Variants in MYOM1 observed in about 807,000 individuals in gnomAD.
The protein encoded by MYOM1 is myomesin-1.
MYOM1 carries 164 observed loss-of-function variants against 205.3 expected under a neutral mutation model. The ratio of observed to expected loss-of-function variants is 0.80; its 90% CI spans 0.70 to 0.91. MYOM1 has a LOEUF of 0.91. Ranked by LOEUF, MYOM1 falls within the 40% of genes least tolerant of loss-of-function variation. The probability of loss-of-function intolerance (pLI) is 0.00; values close to 1 mark genes in which losing one functional copy is unlikely to be tolerated. For synonymous variants in MYOM1, 772 were observed against 789.4 expected (o/e 0.98, Z 0.37); for missense variants, 2,011 against 2,127.3 (o/e 0.95, Z 1.08).
chr18:3,177,476 ATTATTATTATTT>A (rs1449460292), intron 5 of MYOM1, among the ~76,000 whole-genome samples: 86 of 123,074 alleles, frequency 7.0e-4, no homozygotes, highest in African/African-American at 2.4e-3. Flanking sequence ...TATTATTATT[ATTATTATTATTT>A]GAGACAGAGT....
At chr18:3,157,719 T>G (rs2080322973) in intron 10 of MYOM1, among the ~76,000 whole-genome samples, 1 of 146,226 alleles carries the variant, frequency 6.8e-6, no homozygotes, top group Non-Finnish European at 1.5e-5. Flanking sequence ...ATAATAATAA[T>G]AATAATCCTT....
chr18:3,174,749 CACGTTGGTCTATGTGTTCTAGCT>C (rs776882333), intron 6 of MYOM1, among the ~76,000 whole-genome samples: 42 of 151,008 alleles, frequency 2.8e-4, no homozygotes, highest in Admixed American at 6.6e-5. Context: ...CTCCCTGAGC[CACGTTGGTCTATGTGTTCTAGCT>C]TCAAAGCTCA....
In MYOM1 at chr18:3,140,188, C is replaced by G. The variant is rs1490108395; in HGVS notation, c.2025+1751G>C. Among the ~76,000 whole-genome samples, 2 of 152,256 alleles carry G rather than the reference C, an allele frequency of 1.3e-5. 1 individual carries two copies. Among genetic ancestry groups the G allele is most frequent in the Middle Eastern group, 6.8e-3 (2 of 294 alleles). ...TTGGGAGGCTGAGGCAGGAGGATTA[C>G]TTGAGGTCAGGAGTTCGAGATCACC... On this transcript the variant is annotated intron_variant, in intron 14 of 37. Transcript: ENST00000356443.
chr18:3,146,244 A>G (rs898801138), intron 13 of MYOM1, among the ~76,000 whole-genome samples: 24 of 152,126 alleles, frequency 1.6e-4, no homozygotes, highest in African/African-American at 5.8e-4. Flanking sequence ...AAATAATGGT[A>G]ATACTTTCCA....
chr18:3,149,558 G>A (rs771571040), intron 12 of MYOM1, among the ~76,000 whole-genome samples: 9 of 152,148 alleles, frequency 5.9e-5, no homozygotes. Flanking sequence ...GCATGCGTTT[G>A]GGAGAAACAT....
chr18:3,239,916 CA>C, the MYOM1 span, among the ~76,000 whole-genome samples: 1 of 152,038 alleles, frequency 6.6e-6, no homozygotes, highest in African/African-American at 2.4e-5. Flanking sequence ...ACAAAGAATT[CA>C]TATATTTATT....
chr18:3,199,486 C>T (rs114496789), intron 2 of MYOM1, among the ~76,000 whole-genome samples: 1,624 of 152,282 alleles, frequency 0.011, 26 homozygotes, highest in African/African-American at 0.036. Context: ...CAAGCCTGTG[C>T]ACATGTGCAG....
intron 17 of MYOM1, among the ~76,000 whole-genome samples, chr18:3,130,916 A>G (rs2079866000): frequency 6.6e-6 from 1 of 152,236 alleles, no homozygotes; most frequent in South Asian, 2.1e-4. Flanking sequence ...AAGCAATTAC[A>G]TGTGCCTTGC....
chr18:3,093,231 G>A (rs1226740647), intron 26 of MYOM1, among the ~76,000 whole-genome samples: 1 of 152,136 alleles, frequency 6.6e-6, no homozygotes, highest in East Asian at 1.9e-4. Context: ...GGAAAGGGTT[G>A]CTACTAATGG....
chr18:3,127,297 ATATATATATT>A (rs1407542118), intron 18 of MYOM1, among the ~76,000 whole-genome samples: 51 of 49,714 alleles, frequency 1.0e-3, no homozygotes, highest in Middle Eastern at 0.01. Context: ...ATATATATAT[ATATATATATT>A]TTTTTTTTTT....
At chr18:3,119,056 T>TTTTTA (rs994230301) in intron 20 of MYOM1, among the ~76,000 whole-genome samples, 1 of 152,150 alleles carries the variant, frequency 6.6e-6, no homozygotes, top group African/African-American at 2.4e-5. Flanking sequence ...TTGCATTCAA[T>TTTTTA]TTTTATTTTA....
At chr18:3,162,558 A>G (rs1037449236) in intron 10 of MYOM1, among the ~76,000 whole-genome samples, 6 of 152,094 alleles carry the variant, frequency 3.9e-5, no homozygotes, top group African/African-American at 1.2e-4. Flanking sequence ...GAGTATTATA[A>G]ACATTGTTTT....
the MYOM1 span, among the ~76,000 whole-genome samples, chr18:3,239,061 A>G: frequency 4.6e-5 from 7 of 152,202 alleles, no homozygotes; most frequent in African/African-American, 1.7e-4. Context: ...GTAACCTAAC[A>G]CAATCACAGG....
chr18:3,150,117 T>A (rs1054284868), intron 12 of MYOM1, among the ~76,000 whole-genome samples: 2 of 152,142 alleles, frequency 1.3e-5, no homozygotes, highest in Non-Finnish European at 2.9e-5. Flanking sequence ...TGGAGTGCAG[T>A]GGCGCGATCT....
intron 25 of MYOM1, among the ~76,000 whole-genome samples, chr18:3,095,318 T>C (rs1005678183): frequency 6.6e-6 from 1 of 152,094 alleles, no homozygotes; most frequent in African/African-American, 2.4e-5. Context: ...CCTGTAATCC[T>C]AATACTTGGG....
In MYOM1 at chr18:3,215,160, C is replaced by G. The variant is rs1791085; in HGVS notation, c.64G>C (p.Val22Leu). ...HYDLSYRNKD[V>L]RSTVSHYQRE... The stretch of plus-strand genomic sequence containing the variant: ...TGGTAGTGACTCACGGTGCTGCGCA[C>G]GTCCTTGTTGCGGTAGCTGAGATCA... Residue 22 changes from valine to leucine, a missense_variant, in exon 2 of 38, where the codon GTG (valine) becomes CTG (leucine). Physicochemically the swap from Val to Leu is conservative, Grantham distance 32. Coordinates refer to ENST00000356443, the MANE Select transcript of MYOM1 (RefSeq NM_003803.4). 156,105 of 1,613,376 alleles carry G rather than the reference C, an allele frequency of 0.097. 7,946 individuals are homozygous for G. Among genetic ancestry groups the G allele is most frequent in the East Asian group, 0.18 (8,158 of 44,840 alleles).
In MYOM1 at chr18:3,067,075, T is replaced by G; in HGVS notation, c.*187A>C. On this transcript the variant is annotated 3_prime_UTR_variant, in exon 38 of 38. Coordinates refer to ENST00000356443, the MANE Select transcript of MYOM1 (RefSeq NM_003803.4). ...ATGGTATTTTCTTAACACATAATTT[T>G]GTAGATAAAGAAAAACAATTAAAGT... 1.6e-6 allele frequency: 1 copy of G among 626,964 alleles called. No individual in the cohort carries two copies. The highest frequency in any genetic ancestry group is 2.7e-6 in the Non-Finnish European group (1 of 368,774). 38.8% of individuals were successfully genotyped at this position (626,964 alleles called of 1,614,324 possible).
chr18:3,151,859 T>G lies in MYOM1; in HGVS notation c.1678A>C (p.Asn560His). ...EVGTDSWSQC[N>H]DTPVKFARFP... ...CGAGCAAACTTCACAGGTGTGTCAT[T>G]GCACTGCGACCAGCTATCTGTGCCC... Residue 560 changes from asparagine (N) to histidine (H), a missense_variant, in exon 12 of 38, where the codon AAT becomes CAT. Physicochemically the swap from Asn to His is moderately conservative, Grantham distance 68. Coordinates refer to ENST00000356443, the MANE Select transcript of MYOM1 (RefSeq NM_003803.4). 6.2e-7 allele frequency: 1 copy of G among 1,613,276 alleles called. No individual in the cohort carries two copies.
At chr18:3,171,325 A>G (rs1260284085) in intron 8 of MYOM1, among the ~76,000 whole-genome samples, 2 of 152,160 alleles carry the variant, frequency 1.3e-5, no homozygotes, top group East Asian at 3.9e-4. Flanking sequence ...GATCTTGCAC[A>G]GCGCTGGGAG....
Sources: gnomAD v4.1 joint callset for allele counts (sites outside exome capture counted in the v4.1 genomes callset) on GRCh38, gnomAD v4.1.1 for gene constraint, MANE v1.5 for transcripts, NCBI Gene and HGNC (gene_info 2026-07-23, HGNC 2026-07-21) for gene names.